The following SGCZ variants were observed in gnomAD, a reference collection of about 807,000 sequenced individuals.
SGCZ encodes sarcoglycan zeta.
In SGCZ, 40 loss-of-function variants were observed where a neutral mutation model predicts 41.3. That is an observed-to-expected ratio of 0.97 (90% CI 0.75 to 1.26). SGCZ has a LOEUF of 1.26. SGCZ is among the 50% of genes most tolerant of loss of function. The pLI, the probability that SGCZ is intolerant of heterozygous loss-of-function variation, is 0.00. For synonymous variants in SGCZ, 206 were observed against 137.5 expected (o/e 1.50, Z -3.49); for missense variants, 552 against 369.8 (o/e 1.49, Z -4.04).
At chr8:14,230,113 G>C (rs556786621) in intron 4 of SGCZ, among the ~76,000 whole-genome samples, 1 of 152,178 alleles carries the variant, frequency 6.6e-6, no homozygotes, top group East Asian at 1.9e-4. Context: ...ATGGCATTTT[G>C]TCAGGATAAT....
At chr8:14,152,055 C>T (rs1340600102) in intron 5 of SGCZ, among the ~76,000 whole-genome samples, 3 of 151,826 alleles carry the variant, frequency 2.0e-5, no homozygotes, top group Non-Finnish European at 4.4e-5. Context: ...ACCAAAAGCA[C>T]AATTCATTTA....
At chr8:14,780,267 C>A (rs1240959932) in intron 1 of SGCZ, among the ~76,000 whole-genome samples, 1 of 150,126 alleles carries the variant, frequency 6.7e-6, no homozygotes, top group Admixed American at 6.7e-5. Flanking sequence ...CCCAGCTACT[C>A]GGGAGGCTGA....
intron 2 of SGCZ, among the ~76,000 whole-genome samples, chr8:14,338,331 AT>A (rs1361317161): frequency 1.3e-5 from 2 of 152,218 alleles, no homozygotes. Context: ...CTTAGTTGGC[AT>A]CCTTGTCAGC....
At chr8:14,803,676 T>A (rs12156276) in intron 1 of SGCZ, among the ~76,000 whole-genome samples, 49,403 of 151,458 alleles carry the variant, frequency 0.33, 9,534 homozygotes, top group East Asian at 0.49. Context: ...TTGCCCAGGC[T>A]TGCTTAGGTA....
At chr8:14,110,225 C>G (rs548992077) in intron 5 of SGCZ, among the ~76,000 whole-genome samples, 3 of 150,952 alleles carry the variant, frequency 2.0e-5, no homozygotes, top group East Asian at 3.9e-4. Flanking sequence ...AAGAGAGACT[C>G]TGGCATTTTG....
intron 4 of SGCZ, among the ~76,000 whole-genome samples, chr8:14,208,106 C>T (rs1010846855): frequency 1.3e-5 from 2 of 152,152 alleles, no homozygotes; most frequent in Non-Finnish European, 2.9e-5. Context: ...AATGTACTTC[C>T]TACTAACCAT....
At chr8:15,025,298 T>C (rs1803414484) in intron 1 of SGCZ, among the ~76,000 whole-genome samples, 1 of 152,196 alleles carries the variant, frequency 6.6e-6, no homozygotes, top group African/African-American at 2.4e-5. Flanking sequence ...TGCTGTATTT[T>C]TTTTCTAATT....
At chr8:14,111,795 C>T (rs7010173) in intron 5 of SGCZ, among the ~76,000 whole-genome samples, 75,634 of 151,836 alleles carry the variant, frequency 0.5, 19,843 homozygotes, top group Non-Finnish European at 0.6. Context: ...TCTGCTTTGC[C>T]GGAAAGGAGA....
chr8:14,170,954 T>C (rs74843944), intron 4 of SGCZ, among the ~76,000 whole-genome samples: 2,260 of 152,124 alleles, frequency 0.015, 50 homozygotes, highest in African/African-American at 0.051. Flanking sequence ...AAAAGGATAA[T>C]AATCCTAGTG....
rs1205725355 is a variant in SGCZ, at chr8:15,204,839, G to C, written c.39+32746C>G. Among the ~76,000 whole-genome samples, 4 of 152,254 alleles carry C rather than the reference G, an allele frequency of 2.6e-5. No homozygotes were observed. In the East Asian group the frequency reaches 5.8e-4, roughly 22 times the overall value. On this transcript the variant is annotated intron_variant, in intron 1 of 7. Coordinates refer to ENST00000382080, the MANE Select transcript of SGCZ (RefSeq NM_139167.4). ...GTTTAACTACCACTCTGTCCCAAGA[G>C]AGGGGAACTATCTGTAGACAGGATT...
chr8:14,481,179 T>G (rs1801525564), intron 2 of SGCZ, among the ~76,000 whole-genome samples: 1 of 150,722 alleles, frequency 6.6e-6, no homozygotes, highest in African/African-American at 2.5e-5. Flanking sequence ...AAAACATGAA[T>G]AGTTAATTAA....
At chr8:15,052,401 G>T (rs1804546931) in intron 1 of SGCZ, among the ~76,000 whole-genome samples, 1 of 152,196 alleles carries the variant, frequency 6.6e-6, no homozygotes, top group Non-Finnish European at 1.5e-5. Context: ...AGTGAGGGTG[G>T]TGGGTGGACT....
At position 14,184,972 on chromosome 8, in the gene SGCZ, A is replaced by G. The variant is rs142867500; in HGVS notation, c.425-20270T>C. ...TATCATTATGTCTCTATCGTCTAAT[A>G]TTGACTAAGGGGTAGTAATTTTGTT... On this transcript the variant is annotated intron_variant, in intron 4 of 7. Transcript: ENST00000382080. 1.2e-3 allele frequency among the ~76,000 whole-genome samples: 178 copies of G among 152,344 alleles called. 1 individual carries two copies. The East Asian group carries it at 0.027, about 23-fold the overall frequency.
intron 5 of SGCZ, among the ~76,000 whole-genome samples, chr8:14,114,308 T>C (rs1802458838): frequency 6.6e-6 from 1 of 152,054 alleles, no homozygotes; most frequent in Admixed American, 6.6e-5. Context: ...TTTAACACTT[T>C]AACACAAATC....
chr8:14,375,655 A>C (rs1355582440), intron 2 of SGCZ, among the ~76,000 whole-genome samples: 1 of 152,202 alleles, frequency 6.6e-6, no homozygotes, highest in Non-Finnish European at 1.5e-5. Flanking sequence ...GAACATATAT[A>C]TGAAAGTTAC....
chr8:14,790,006 A>G (rs555353385), intron 1 of SGCZ, among the ~76,000 whole-genome samples: 1 of 152,344 alleles, frequency 6.6e-6, no homozygotes, highest in Non-Finnish European at 1.5e-5. Flanking sequence ...TAAATAACAT[A>G]TAAATAATAA....
At chr8:14,900,730 T>C (rs1315459645) in intron 1 of SGCZ, among the ~76,000 whole-genome samples, 1 of 152,208 alleles carries the variant, frequency 6.6e-6, no homozygotes, top group East Asian at 1.9e-4. Context: ...GAAAGGTATT[T>C]TATTATTGAA....
At chr8:14,342,328 TC>T (rs1297789842) in intron 2 of SGCZ, among the ~76,000 whole-genome samples, 1 of 152,148 alleles carries the variant, frequency 6.6e-6, no homozygotes, top group Non-Finnish European at 1.5e-5. Flanking sequence ...TCTTTTTTTT[TC>T]TTTTTGAGGT....
At chr8:14,489,424 C>G (rs1414590162) in intron 2 of SGCZ, among the ~76,000 whole-genome samples, 1 of 151,478 alleles carries the variant, frequency 6.6e-6, no homozygotes, top group African/African-American at 2.4e-5. Flanking sequence ...ACAATTTTAC[C>G]AAATAGATTG....
Sources: gnomAD v4.1 joint callset for allele counts (sites outside exome capture counted in the v4.1 genomes callset) on GRCh38, gnomAD v4.1.1 for gene constraint, MANE v1.5 for transcripts, NCBI Gene and HGNC (gene_info 2026-07-23, HGNC 2026-07-21) for gene names.